Variants in FBXO11 observed in about 807,000 individuals in gnomAD.
FBXO11 encodes the protein F-box protein 11.
FBXO11 carries 13 observed loss-of-function variants against 117.0 expected under a neutral mutation model. That is an observed-to-expected ratio of 0.11 (90% CI 0.07 to 0.18). FBXO11 has a LOEUF of 0.18. Ranked by LOEUF, FBXO11 falls within the 10% of genes least tolerant of loss-of-function variation. The probability of loss-of-function intolerance (pLI) is 1.00; values close to 1 mark genes in which losing one functional copy is unlikely to be tolerated. For missense variants in FBXO11, 767 were observed against 1,164.4 expected (o/e 0.66, Z 4.97); for synonymous variants, 490 against 380.5 (o/e 1.29, Z -3.35).
At chr2:47,867,408 G>C (rs1675276180) in intron 1 of FBXO11, among the ~76,000 whole-genome samples, 1 of 152,126 alleles carries the variant, frequency 6.6e-6, no homozygotes, top group Non-Finnish European at 1.5e-5. Flanking sequence ...TAAATGATTG[G>C]CCTGGAAGTG....
intron 1 of FBXO11, among the ~76,000 whole-genome samples, chr2:47,886,775 C>T (rs750404173): frequency 6.6e-6 from 1 of 151,950 alleles, no homozygotes; most frequent in South Asian, 2.1e-4. Flanking sequence ...ATAATACACA[C>T]AGTACGGTTT....
intron 1 of FBXO11, among the ~76,000 whole-genome samples, chr2:47,843,589 T>G (rs1182985003): frequency 6.6e-6 from 1 of 152,238 alleles, no homozygotes; most frequent in Non-Finnish European, 1.5e-5. Context: ...TGTAATGGCT[T>G]TCTTCATCAC....
chr2:47,818,749 C>A (rs572771325), intron 16 of FBXO11, 30 bp downstream of exon 16: 1 of 1,532,468 alleles, frequency 6.5e-7, no homozygotes. Context: ...AACTCCCTCC[C>A]AAAAGATAGC....
intron 1 of FBXO11, among the ~76,000 whole-genome samples, chr2:47,846,815 G>T (rs966674332): frequency 6.6e-6 from 1 of 152,084 alleles, no homozygotes; most frequent in Admixed American, 6.5e-5. Context: ...TTTGAAAATA[G>T]TACGTATGTG....
chr2:47,809,327 G>A, intron 20 of FBXO11, 61 bp from the exon 21 acceptor site: 2 of 1,054,178 alleles, frequency 1.9e-6, no homozygotes, highest in Non-Finnish European at 2.8e-6. Context: ...AAAAACCAAA[G>A]ATTATAGGAT....
Position 47,813,394 on chromosome 2 carries a change from G to C in FBXO11, c.2084-17C>G. 8.5e-7 allele frequency: 1 copy of C among 1,174,902 alleles called. No individual in the cohort carries two copies. The highest frequency in any genetic ancestry group is 1.2e-6 in the Non-Finnish European group (1 of 848,180). 72.8% of individuals were successfully genotyped at this position (1,174,902 alleles called of 1,614,324 possible). ...AGCCTAGACCTATAAATGCAAAAAT[G>C]TAGGTTATCTAGAAGGTATATTTCT... On this transcript the variant is annotated splice_polypyrimidine_tract_variant and intron_variant, in intron 17 of 22. Transcript: ENST00000403359.
chr2:47,878,310 T>TGATAG (rs907505171), intron 1 of FBXO11, among the ~76,000 whole-genome samples: 2 of 152,172 alleles, frequency 1.3e-5, no homozygotes, highest in African/African-American at 4.8e-5. Context: ...AAACAGATTT[T>TGATAG]GATAGATTCA....
intron 7 of FBXO11, among the ~76,000 whole-genome samples, chr2:47,833,271 T>G (rs1672317008): frequency 6.6e-6 from 1 of 152,174 alleles, no homozygotes; most frequent in Non-Finnish European, 1.5e-5. Context: ...TAACTATAAA[T>G]ACTATGAATA....
chr2:47,899,187 TG>T (rs1261949678), intron 1 of FBXO11, among the ~76,000 whole-genome samples: 13 of 145,882 alleles, frequency 8.9e-5, no homozygotes, highest in African/African-American at 3.1e-4. Flanking sequence ...GGCAGGAGAA[TG>T]GTGTGAACCC....
At chr2:47,871,758 C>A (rs1020067099) in intron 1 of FBXO11, among the ~76,000 whole-genome samples, 1 of 152,126 alleles carries the variant, frequency 6.6e-6, no homozygotes, top group African/African-American at 2.4e-5. Flanking sequence ...AACATCTTTT[C>A]CCATACTATC....
chr2:47,904,129 T>C (rs1374282884), intron 1 of FBXO11, among the ~76,000 whole-genome samples: 1 of 152,202 alleles, frequency 6.6e-6, no homozygotes, highest in East Asian at 1.9e-4. Context: ...AGTATAACAA[T>C]GAAACCGTTT....
intron 1 of FBXO11, among the ~76,000 whole-genome samples, chr2:47,895,354 A>G (rs1016487234): frequency 6.6e-6 from 1 of 152,204 alleles, no homozygotes; most frequent in African/African-American, 2.4e-5. Context: ...ACAAGCAGCA[A>G]TATGGATGAA....
chr2:47,819,159 T>C, intron 14 of FBXO11, 81 bp from the exon 15 acceptor site: 1 of 1,420,228 alleles, frequency 7.0e-7, no homozygotes, highest in Non-Finnish European at 9.5e-7. Flanking sequence ...TTATAGACAG[T>C]TAAAAAATTT....
At position 47,813,801 on chromosome 2, in the gene FBXO11, A is replaced by C. The variant is rs745715982; in HGVS notation, c.2073T>G (p.Val691=). 1 of 1,612,766 alleles carries C rather than the reference A, an allele frequency of 6.2e-7. No homozygotes were observed. The highest frequency in any genetic ancestry group is 1.1e-5 in the South Asian group (1 of 91,054). Residue 691 remains valine (V), a synonymous_variant, in exon 17 of 23, where the codon GTT becomes GTG. Transcript: ENST00000403359. ...ACAGATTAAACATACCAGAATTATA[A>C]ACTAGAATTCCACCATTCTGTCCTC... The part of the protein sequence containing the change: ...IWGGQNGGIL[V]YNSGLGCIED...
At chr2:47,836,457 C>T (rs1672569127) in intron 4 of FBXO11, among the ~76,000 whole-genome samples, 1 of 152,054 alleles carries the variant, frequency 6.6e-6, no homozygotes, top group Non-Finnish European at 1.5e-5. Flanking sequence ...CAACCTCTGC[C>T]TCCTGGGCTC....
intron 1 of FBXO11, among the ~76,000 whole-genome samples, chr2:47,855,805 C>G (rs1674247603): frequency 6.6e-6 from 1 of 150,624 alleles, no homozygotes; most frequent in Non-Finnish European, 1.5e-5. Flanking sequence ...GCACTCCAGC[C>G]TGGGCAACAA....
At chr2:47,892,032 T>C (rs1011887349) in intron 1 of FBXO11, among the ~76,000 whole-genome samples, 7 of 152,208 alleles carry the variant, frequency 4.6e-5, no homozygotes, top group African/African-American at 1.2e-4. Context: ...TTATCAGATA[T>C]ATGGTTTGCA....
At chr2:47,825,708 C>A (rs1671703014) in intron 11 of FBXO11, among the ~76,000 whole-genome samples, 1 of 151,664 alleles carries the variant, frequency 6.6e-6, no homozygotes, top group Admixed American at 6.6e-5. Context: ...TCCCAAGTAG[C>A]TGAGACCACG....
intron 1 of FBXO11, among the ~76,000 whole-genome samples, chr2:47,846,143 T>C (rs1047094548): frequency 6.6e-6 from 1 of 152,204 alleles, no homozygotes; most frequent in African/African-American, 2.4e-5. Flanking sequence ...TAGTTATGGT[T>C]TTGTGCCAAC....
Sources: gnomAD v4.1 joint callset for allele counts (sites outside exome capture counted in the v4.1 genomes callset) on GRCh38, gnomAD v4.1.1 for gene constraint, MANE v1.5 for transcripts, NCBI Gene and HGNC (gene_info 2026-07-23, HGNC 2026-07-21) for gene names.